The following KCNAB1 variants were observed in gnomAD, a reference collection of about 807,000 sequenced individuals.
KCNAB1 encodes the protein potassium voltage-gated channel subfamily A regulatory beta subunit 1, also known as voltage-gated potassium channel subunit beta-1.
KCNAB1 carries 35 observed loss-of-function variants against 64.6 expected under a neutral mutation model. The ratio of observed to expected loss-of-function variants is 0.54; its 90% CI spans 0.41 to 0.72. The LOEUF is 0.72. KCNAB1 is among the 30% of genes least tolerant of loss of function. KCNAB1 has a pLI of 0.00. For missense variants in KCNAB1, 401 were observed against 512.9 expected (o/e 0.78, Z 2.11); for synonymous variants, 177 against 183.8 (o/e 0.96, Z 0.30).
chr3:156,127,072 G>C (rs1361159938), intron 1 of KCNAB1, among the ~76,000 whole-genome samples: 3 of 152,192 alleles, frequency 2.0e-5, no homozygotes, highest in Admixed American at 2.0e-4. Context: ...TCCATGAAAT[G>C]ATGTAAATCA....
rs540971061 is a variant in KCNAB1, at chr3:156,465,746, C to T, written c.571+60C>T. On this transcript the variant is annotated intron_variant, in intron 7 of 13. Coordinates refer to ENST00000490337, the MANE Select transcript of KCNAB1 (RefSeq NM_172160.3). ...TGGGCCCCTCATTCAAGAAAGGTAT[C>T]AACCAAACAAATTCAGAACACACTG... 23 of 1,363,074 alleles carry T rather than the reference C, an allele frequency of 1.7e-5. No homozygotes were observed. In the South Asian group the frequency reaches 2.7e-4, roughly 16 times the overall value. The allele number at this position is 1,363,074 out of a possible 1,614,324, so 84.4% of individuals were successfully genotyped here.
intron 2 of KCNAB1, among the ~76,000 whole-genome samples, chr3:156,444,189 C>T (rs545066721): frequency 7.6e-4 from 116 of 152,272 alleles, no homozygotes; most frequent in Non-Finnish European, 1.4e-3. Flanking sequence ...AAAAAGAACA[C>T]GTCCAAGCAC....
chr3:156,272,233 T>G (rs1719078907), intron 1 of KCNAB1, among the ~76,000 whole-genome samples: 2 of 152,240 alleles, frequency 1.3e-5, no homozygotes, highest in Non-Finnish European at 1.5e-5. Flanking sequence ...GTCAAGGGCC[T>G]CAGGCTGTAC....
intron 7 of KCNAB1, among the ~76,000 whole-genome samples, chr3:156,473,655 A>G (rs113776596): frequency 2.8e-4 from 42 of 152,212 alleles, no homozygotes; most frequent in African/African-American, 9.9e-4. Context: ...ATATTCAAGC[A>G]CTCCATTTTC....
At chr3:156,340,619 C>T (rs1440663333) in intron 1 of KCNAB1, among the ~76,000 whole-genome samples, 1 of 152,232 alleles carries the variant, frequency 6.6e-6, no homozygotes, top group Admixed American at 6.5e-5. Context: ...ATGTCCTTCC[C>T]TTTCCAGATG....
At chr3:156,406,445 C>A (rs1206386113) in intron 1 of KCNAB1, among the ~76,000 whole-genome samples, 1 of 152,128 alleles carries the variant, frequency 6.6e-6, no homozygotes, top group East Asian at 1.9e-4. Flanking sequence ...ACTGAGAGGT[C>A]TGAGCACAGC....
At chr3:156,325,038 T>A (rs1340337521) in intron 1 of KCNAB1, among the ~76,000 whole-genome samples, 1 of 152,142 alleles carries the variant, frequency 6.6e-6, no homozygotes, top group Admixed American at 6.6e-5. Flanking sequence ...ATATAGTATA[T>A]GGGATAACAA....
intron 2 of KCNAB1, among the ~76,000 whole-genome samples, chr3:156,430,169 G>A (rs1716108020): frequency 6.6e-6 from 1 of 152,252 alleles, no homozygotes; most frequent in Non-Finnish European, 1.5e-5. Flanking sequence ...CTTTGCCTCT[G>A]CTCCCAGGAG....
intron 1 of KCNAB1, among the ~76,000 whole-genome samples, chr3:156,328,783 A>G (rs895585291): frequency 6.6e-6 from 1 of 152,212 alleles, no homozygotes; most frequent in African/African-American, 2.4e-5. Flanking sequence ...ATTTCCTTCC[A>G]GGGAGAAATT....
intron 8 of KCNAB1, among the ~76,000 whole-genome samples, chr3:156,475,573 A>T (rs2108320298): frequency 6.6e-6 from 1 of 152,344 alleles, no homozygotes; most frequent in East Asian, 1.9e-4. Flanking sequence ...GAATGAAGAT[A>T]TTTGAGAAAA....
intron 1 of KCNAB1, among the ~76,000 whole-genome samples, chr3:156,233,430 C>A (rs995984136): frequency 6.6e-6 from 1 of 152,068 alleles, no homozygotes; most frequent in Non-Finnish European, 1.5e-5. Context: ...GTCCAATGAA[C>A]TGAAGGACCA....
chr3:156,485,348 T>G (rs1482379489), intron 8 of KCNAB1, among the ~76,000 whole-genome samples: 3 of 152,068 alleles, frequency 2.0e-5, no homozygotes, highest in Non-Finnish European at 4.4e-5. Flanking sequence ...TTGTGCCACA[T>G]TTTGCCTTTG....
chr3:156,466,536 ATAGCTTTTGGGGTACGAG>A (rs1713388616), intron 7 of KCNAB1, among the ~76,000 whole-genome samples: 1 of 151,656 alleles, frequency 6.6e-6, no homozygotes, highest in South Asian at 2.1e-4. Flanking sequence ...TTTTATTTCA[ATAGCTTTTGGGGTACGAG>A]TAGTTTTTGG....
chr3:156,306,482 C>T (rs1206866739), intron 1 of KCNAB1, among the ~76,000 whole-genome samples: 2 of 152,172 alleles, frequency 1.3e-5, no homozygotes, highest in Non-Finnish European at 2.9e-5. Flanking sequence ...GTGTTCCTCC[C>T]TGCATCTCTT....
chr3:156,144,928 G>A (rs1038879315), intron 1 of KCNAB1, among the ~76,000 whole-genome samples: 2 of 152,184 alleles, frequency 1.3e-5, no homozygotes, highest in East Asian at 3.8e-4. Context: ...TTTTTCAAAG[G>A]ATTATGAAGT....
intron 1 of KCNAB1, among the ~76,000 whole-genome samples, chr3:156,357,159 G>GCGCGCA (rs545909634): frequency 2.0e-5 from 3 of 147,314 alleles, no homozygotes; most frequent in African/African-American, 7.4e-5. Context: ...ACATGTGCGC[G>GCGCGCA]CACACACACA....
chr3:156,132,140 T>C (rs897891457), intron 1 of KCNAB1, among the ~76,000 whole-genome samples: 1 of 152,188 alleles, frequency 6.6e-6, no homozygotes, highest in Admixed American at 6.5e-5. Flanking sequence ...AAGGTAGAGT[T>C]TGGCTATTTT....
rs1003664172 is a variant in KCNAB1 at position 156,408,088 on chromosome 3, A to G, written c.276-13528A>G. Among the ~76,000 whole-genome samples, 6 of 152,108 alleles carry G rather than the reference A, an allele frequency of 3.9e-5. No homozygotes were observed. In the East Asian group the frequency reaches 5.8e-4, roughly 15 times the overall value. On this transcript the variant is annotated intron_variant, in intron 1 of 13. Coordinates refer to ENST00000490337, the MANE Select transcript of KCNAB1 (RefSeq NM_172160.3). ...GCGGGCGGTGGTGGCGGGACACGGA[A>G]GAAGCAGGGAGGCGCTGGGAGGGGG...
intron 1 of KCNAB1, among the ~76,000 whole-genome samples, chr3:156,342,125 T>C (rs888925340): frequency 2.0e-5 from 3 of 152,190 alleles, no homozygotes; most frequent in Admixed American, 6.5e-5. Context: ...AATAATATTC[T>C]GTCCCCAGCA....
Sources: gnomAD v4.1 joint callset for allele counts (sites outside exome capture counted in the v4.1 genomes callset) on GRCh38, gnomAD v4.1.1 for gene constraint, MANE v1.5 for transcripts, NCBI Gene and HGNC (gene_info 2026-07-23, HGNC 2026-07-21) for gene names.